FHIT: variants seen among roughly 807,000 people sequenced by gnomAD.
FHIT encodes bis(5'-adenosyl)-triphosphatase.
FHIT carries 19 observed loss-of-function variants against 17.9 expected under a neutral mutation model. The observed-to-expected ratio is 1.06, with a 90% CI of 0.74 to 1.56. The LOEUF (loss-of-function observed/expected upper bound fraction) is 1.56, where lower values mean the gene tolerates loss of function less well. Ranked by LOEUF, FHIT falls within the 40% of genes most tolerant of loss-of-function variation. FHIT has a pLI of 0.00. For synonymous variants in FHIT, 81 were observed against 69.7 expected, an observed-to-expected ratio of 1.16 and a Z score of -0.81; for missense variants, 248 against 189.2, an observed-to-expected ratio of 1.31 and a Z score of -1.82.
At chr3:59,801,519 G>A (rs1699992340) in intron 8 of FHIT, among the ~76,000 whole-genome samples, 2 of 151,750 alleles carry the variant, frequency 1.3e-5, no homozygotes, top group Non-Finnish European at 3.0e-5. Context: ...CCCTATATAA[G>A]TGAAAATATA....
chr3:61,249,439 T>C (rs2040560283), intron 1 of FHIT, among the ~76,000 whole-genome samples: 1 of 152,216 alleles, frequency 6.6e-6, no homozygotes, highest in Non-Finnish European at 1.5e-5. Context: ...GTTTAGTATC[T>C]AAGTACAGAG....
rs574089595 is a variant in FHIT, at chr3:60,013,238, T to C, written c.249+769A>G. Among the ~76,000 whole-genome samples the C allele has an allele frequency of 3.9e-5, 6 of 152,278 alleles. No homozygotes were observed. In the East Asian group the frequency reaches 1.2e-3, roughly 29 times the overall value. On this transcript the variant is annotated intron_variant, in intron 6 of 9. Coordinates refer to ENST00000492590, the MANE Select transcript of FHIT (RefSeq NM_002012.4). The stretch of plus-strand genomic sequence containing the variant: ...GGAGGGGAGGAAGAATGGCAAACAT[T>C]CAGTTTAACTAACAGGCTGAGTACA...
intron 7 of FHIT, among the ~76,000 whole-genome samples, chr3:59,990,450 T>G (rs3772498): frequency 0.13 from 19,602 of 152,090 alleles, 1,665 homozygotes; most frequent in East Asian, 0.42. Context: ...TATATTGTTC[T>G]AAATTAAGCA....
At chr3:60,555,059 G>A (rs933713755) in intron 4 of FHIT, among the ~76,000 whole-genome samples, 2 of 152,100 alleles carry the variant, frequency 1.3e-5, no homozygotes, top group Non-Finnish European at 2.9e-5. Context: ...TACTACAGGT[G>A]GTACAACCTT....
At chr3:60,432,298 A>G (rs1354232644) in intron 5 of FHIT, among the ~76,000 whole-genome samples, 1 of 152,022 alleles carries the variant, frequency 6.6e-6, no homozygotes, top group African/African-American at 2.4e-5. Context: ...TTTAATTCTC[A>G]GGACTGACTA....
In FHIT at chr3:59,841,836, G is replaced by A. The variant is rs1280125898; in HGVS notation, c.348+80510C>T. Among the ~76,000 whole-genome samples the A allele has an allele frequency of 3.3e-5, 5 of 151,988 alleles. No individual in the cohort carries two copies. In the East Asian group the frequency reaches 9.6e-4, roughly 29 times the overall value. On this transcript the variant is annotated intron_variant, in intron 8 of 9. Coordinates refer to ENST00000492590, the MANE Select transcript of FHIT (RefSeq NM_002012.4). ...GACCTATGGGATTAGCAGGGTCAGG[G>A]GTATCTATAGAGTTGGGAAGGATTA... is the stretch of plus-strand genomic sequence containing the variant.
chr3:60,954,908 T>C (rs1216470101), intron 3 of FHIT, among the ~76,000 whole-genome samples: 1 of 152,156 alleles, frequency 6.6e-6, no homozygotes, highest in Non-Finnish European at 1.5e-5. Flanking sequence ...CCAATAGTAC[T>C]CCAGGCAAAC....
chr3:60,428,544 T>C (rs1702761826), intron 5 of FHIT, among the ~76,000 whole-genome samples: 1 of 152,180 alleles, frequency 6.6e-6, no homozygotes, highest in Non-Finnish European at 1.5e-5. Context: ...TGCTTGTTTA[T>C]CCTTCTTTCT....
intron 5 of FHIT, among the ~76,000 whole-genome samples, chr3:60,059,984 G>C (rs1702235089): frequency 2.6e-5 from 4 of 152,070 alleles, no homozygotes; most frequent in Admixed American, 2.0e-4. Flanking sequence ...ATGAGTTGTT[G>C]TTTTTTGTTT....
intron 9 of FHIT, chr3:59,751,040 A>C (rs1444966598): frequency 5.5e-6 from 1 of 181,622 alleles, no homozygotes; most frequent in Non-Finnish European, 1.2e-5. Flanking sequence ...AAAAACAAAA[A>C]AGAAACTATT....
At position 60,130,784 on chromosome 3, in the gene FHIT, G is replaced by GTGTGTGTGT. The variant is rs148356992; in HGVS notation, c.104-116633_104-116632insACACACACA. Among the ~76,000 whole-genome samples the GTGTGTGTGT allele has an allele frequency of 9.0e-3, 1,002 of 111,684 alleles. 4 individuals are homozygous for GTGTGTGTGT. The highest frequency in any genetic ancestry group is 0.022 in the African/African-American group (746 of 33,876). 73.3% of individuals were successfully genotyped at this position (111,684 alleles called of 152,430 possible). A position where few individuals can be genotyped will look rare whatever the true frequency, so the allele number is the denominator to read the frequency against. On this transcript the variant is annotated intron_variant, in intron 5 of 9. Coordinates refer to ENST00000492590, the MANE Select transcript of FHIT (RefSeq NM_002012.4). ...TGTGTGTTTGTGTGTGTGTGTGTGT[G>GTGTGTGTGT]GTGTGTATATACACACATATATATG... is the stretch of plus-strand genomic sequence containing the variant.
chr3:60,121,698 C>CA (rs1705257136), intron 5 of FHIT, among the ~76,000 whole-genome samples: 1 of 119,386 alleles, frequency 8.4e-6, no homozygotes, highest in African/African-American at 3.1e-5. Flanking sequence ...AACAAACAAA[C>CA]AAACAAAACA....
In FHIT at chr3:60,478,560, C is replaced by T. The variant is rs546662829; in HGVS notation, c.103+58300G>A. ...TCTGGCAGAAGTATGAGAAGAGTAACGATCATGGTGATGGTGGTGATGATG... is the reference window on the plus strand; with the variant it reads ...TCTGGCAGAAGTATGAGAAGAGTAATGATCATGGTGATGGTGGTGATGATG... On this transcript the variant is annotated intron_variant, in intron 5 of 9. Transcript: ENST00000492590. Among the ~76,000 whole-genome samples the T allele has an allele frequency of 4.6e-5, 7 of 152,172 alleles. No homozygotes were observed. In the South Asian group the frequency reaches 6.2e-4, roughly 14 times the overall value.
intron 5 of FHIT, among the ~76,000 whole-genome samples, chr3:60,520,207 T>C (rs2035307241): frequency 6.6e-6 from 1 of 152,194 alleles, no homozygotes; most frequent in South Asian, 2.1e-4. Context: ...ATTAATGACA[T>C]ACATTTATTC....
At chr3:61,214,534 G>T (rs374924333) in intron 1 of FHIT, among the ~76,000 whole-genome samples, 3 of 151,418 alleles carry the variant, frequency 2.0e-5, no homozygotes, top group African/African-American at 7.3e-5. Context: ...CAACCAAAAA[G>T]AGTCCAGGAC....
chr3:61,000,243 G>A lies in FHIT; in HGVS notation c.-111+41804C>T, dbSNP rs527542212. Among the ~76,000 whole-genome samples the A allele has an allele frequency of 2.6e-5, 4 of 152,296 alleles. No individual in the cohort carries two copies. The South Asian group carries it at 8.3e-4, about 32-fold the overall frequency. On this transcript the variant is annotated intron_variant, in intron 3 of 9. Transcript: ENST00000492590. ...AGCACCACAGCAAGTAGGGTGATAA[G>A]CCCTTAGCTCCTAAAGGAGGACCTG...
intron 8 of FHIT, among the ~76,000 whole-genome samples, chr3:59,890,699 G>A (rs866736616): frequency 1.3e-5 from 2 of 152,136 alleles, no homozygotes; most frequent in South Asian, 2.1e-4. Context: ...CTGCTCAAAA[G>A]AGAGAGAGAA....
At chr3:59,939,973 G>A (rs2107263597) in intron 7 of FHIT, among the ~76,000 whole-genome samples, 1 of 152,262 alleles carries the variant, frequency 6.6e-6, no homozygotes, top group South Asian at 2.1e-4. Flanking sequence ...TAAGTGACAT[G>A]GAAGGTTCAG....
chr3:60,224,209 C>T (rs1704086840), intron 5 of FHIT, among the ~76,000 whole-genome samples: 1 of 152,102 alleles, frequency 6.6e-6, no homozygotes, highest in Non-Finnish European at 1.5e-5. Context: ...TTCCAGAAGA[C>T]AGCACTGAGG....
Sources: allele counts gnomAD v4.1 joint callset (sites outside exome capture counted in the v4.1 genomes callset), GRCh38; gene constraint gnomAD v4.1.1; transcripts MANE v1.5; gene names NCBI Gene and HGNC (gene_info 2026-07-23, HGNC 2026-07-21).